The following PDE1C variants were observed in gnomAD, a reference collection of about 807,000 sequenced individuals.
The protein encoded by PDE1C is phosphodiesterase 1C, also known as dual specificity calcium/calmodulin-dependent 3',5'-cyclic nucleotide phosphodiesterase 1C.
Under a neutral mutation model 93.1 loss-of-function variants are expected in PDE1C, and 62 were observed. That is an observed-to-expected ratio of 0.67 (90% confidence interval 0.54 to 0.82). The LOEUF (loss-of-function observed/expected upper bound fraction) is 0.82. Ranked by LOEUF, PDE1C falls within the 40% of genes least tolerant of loss-of-function variation. The probability of loss-of-function intolerance (pLI) is 0.00; values close to 1 mark genes in which losing one functional copy is unlikely to be tolerated. For missense variants in PDE1C, 742 were observed against 884.6 expected, an observed-to-expected ratio of 0.84 and a Z score of 2.04; for synonymous variants, 325 against 310.1, an observed-to-expected ratio of 1.05 and a Z score of -0.50.
At chr7:31,838,327 G>A (rs11765987) in intron 9 of PDE1C, among the ~76,000 whole-genome samples, 25,279 of 152,066 alleles carry the variant, frequency 0.17, 2,198 homozygotes, top group Middle Eastern at 0.24. Context: ...TTAATCATCC[G>A]TATTTCACAT....
At chr7:31,913,230 C>T (rs1801470235) in intron 2 of PDE1C, among the ~76,000 whole-genome samples, 1 of 152,124 alleles carries the variant, frequency 6.6e-6, no homozygotes, top group Non-Finnish European at 1.5e-5. Flanking sequence ...ACTCAAAGGG[C>T]CTGTTTCAAG....
chr7:31,622,221 C>G, the PDE1C span, among the ~76,000 whole-genome samples: 1 of 145,268 alleles, frequency 6.9e-6, no homozygotes, highest in Admixed American at 7.0e-5. Flanking sequence ...ACAAGGATAC[C>G]CAGGAATTGA....
intron 3 of PDE1C, among the ~76,000 whole-genome samples, chr7:32,094,055 G>A (rs564568841): frequency 1.3e-5 from 2 of 152,350 alleles, no homozygotes; most frequent in South Asian, 2.1e-4. Context: ...GCCTATCACT[G>A]TCTTACTCTC....
At chr7:31,814,409 G>C (rs187318532) in intron 15 of PDE1C, among the ~76,000 whole-genome samples, 3 of 152,076 alleles carry the variant, frequency 2.0e-5, no homozygotes, top group Admixed American at 2.0e-4. Context: ...ATGGCCTTCT[G>C]TGCCTCCTAG....
chr7:31,622,754 A>G, the PDE1C span, among the ~76,000 whole-genome samples: 1 of 152,078 alleles, frequency 6.6e-6, no homozygotes, highest in African/African-American at 2.4e-5. Context: ...AAATAACTAA[A>G]ATCAGAGCAG....
chr7:32,040,816 C>T (rs1003581066), intron 2 of PDE1C, among the ~76,000 whole-genome samples: 1 of 152,096 alleles, frequency 6.6e-6, no homozygotes, highest in East Asian at 1.9e-4. Context: ...GCCTATTGCC[C>T]TTACGTAGCT....
At chr7:31,725,660 G>C in the PDE1C span, among the ~76,000 whole-genome samples, 1 of 152,212 alleles carries the variant, frequency 6.6e-6, no homozygotes, top group African/African-American at 2.4e-5. Flanking sequence ...CAGGTTCCTA[G>C]TGTGATAAGG....
At chr7:31,854,924 G>C (rs149672444) in intron 7 of PDE1C, among the ~76,000 whole-genome samples, 3 of 151,940 alleles carry the variant, frequency 2.0e-5, no homozygotes, top group South Asian at 2.1e-4. Context: ...AAAATCAGCC[G>C]GGTGTGCTGG....
In PDE1C at chr7:32,284,300, G is replaced by A. The variant is rs73308504; in HGVS notation, c.85+14351C>T. ...ATAGGGGCAAACTGCTATGGTGGAA[G>A]GAGCCAGACAGAACTGGTGTCAAGT... On this transcript the variant is annotated intron_variant, in intron 1 of 18. Coordinates refer to the PDE1C transcript ENST00000396193. Among the ~76,000 whole-genome samples, 1,478 of 152,294 alleles carry A rather than the reference G, an allele frequency of 9.7e-3. 28 individuals are homozygous for A. Among genetic ancestry groups the A allele is most frequent in the African/African-American group, 0.034 (1,427 of 41,558 alleles).
At chr7:32,345,642 A>C (rs1783839007) in intron 1 of PDE1C, among the ~76,000 whole-genome samples, 1 of 152,264 alleles carries the variant, frequency 6.6e-6, no homozygotes, top group Non-Finnish European at 1.5e-5. Context: ...AAAAAATCTT[A>C]CAAGCCAATA....
At chr7:32,097,382 A>C (rs78995263) in intron 3 of PDE1C, among the ~76,000 whole-genome samples, 1 of 152,242 alleles carries the variant, frequency 6.6e-6, no homozygotes, top group Non-Finnish European at 1.5e-5. Context: ...AGAAGACCAA[A>C]GTGCCAAACA....
chr7:31,800,617 T>C (rs1297765112), intron 16 of PDE1C, among the ~76,000 whole-genome samples: 1 of 151,518 alleles, frequency 6.6e-6, no homozygotes, highest in African/African-American at 2.4e-5. Flanking sequence ...GCCAATACCA[T>C]GCTGCCTTAG....
chr7:31,651,188 T>C, the PDE1C span: 1 of 1,613,570 alleles, frequency 6.2e-7, no homozygotes, highest in African/African-American at 1.3e-5. Flanking sequence ...TGCCAAAGTT[T>C]CCGGGAGTAT....
chr7:32,334,601 C>CCCCCCG (rs1783579739), intron 1 of PDE1C, among the ~76,000 whole-genome samples: 1 of 135,784 alleles, frequency 7.4e-6, no homozygotes, highest in African/African-American at 2.7e-5. Context: ...ACCCTCCCCC[C>CCCCCCG]CCATGTCCCC....
chr7:32,358,280 AG>A (rs140170928), intron 1 of PDE1C, among the ~76,000 whole-genome samples: 4,329 of 152,336 alleles, frequency 0.028, 94 homozygotes, highest in Middle Eastern at 0.048. Context: ...CAACCCCGAC[AG>A]GCATGTTTGT....
chr7:32,315,418 A>G (rs1783147183), intron 1 of PDE1C, among the ~76,000 whole-genome samples: 1 of 152,088 alleles, frequency 6.6e-6, no homozygotes, highest in African/African-American at 2.4e-5. Flanking sequence ...GACAGGAAGG[A>G]AGGAAACACA....
In PDE1C at chr7:32,066,083, T is replaced by A. The variant is rs370992322; in HGVS notation, c.101+4210A>T. On this transcript the variant is annotated intron_variant, in intron 1 of 17. Coordinates refer to ENST00000396191, the MANE Select transcript of PDE1C (RefSeq NM_001191057.4). ...GGAAATGGATCCAATGGCAGCCCCA[T>A]GAAAGTCCAGAAGAAAAGCAAAGCC... 2.2e-4 allele frequency among the ~76,000 whole-genome samples: 33 copies of A among 152,284 alleles called. No individual in the cohort carries two copies. The South Asian group carries it at 6.4e-3, about 30-fold the overall frequency.
chr7:32,147,755 G>A (rs144723029), intron 3 of PDE1C, among the ~76,000 whole-genome samples: 196 of 150,710 alleles, frequency 1.3e-3, no homozygotes, highest in African/African-American at 3.7e-3. Flanking sequence ...TTTCTCCATC[G>A]CCCCCTGAGG....
chr7:31,816,204 A>G lies in PDE1C; in HGVS notation c.1583-50T>C, dbSNP rs185572503. The G allele has an allele frequency of 2.3e-5, 35 of 1,550,054 alleles. No individual in the cohort carries two copies. In the East Asian group the frequency reaches 7.9e-4, roughly 35 times the overall value. ...GCCACAGAAAAGAGAAAAAGAGGTC[A>G]TGCCGTTAGGAGAATGGCCTGTTTT... On this transcript the variant is annotated intron_variant, in intron 14 of 17. Coordinates refer to ENST00000396191, the MANE Select transcript of PDE1C (RefSeq NM_001191057.4).
Sources: gnomAD v4.1 joint callset for allele counts (sites outside exome capture counted in the v4.1 genomes callset) on GRCh38, gnomAD v4.1.1 for gene constraint, MANE v1.5 for transcripts, NCBI Gene and HGNC (gene_info 2026-07-23, HGNC 2026-07-21) for gene names.